DGKB: variants seen among roughly 807,000 people sequenced by gnomAD.
The protein encoded by DGKB is diacylglycerol kinase beta, also known as 90 kDa diacylglycerol kinase.
In DGKB, 67 loss-of-function variants were observed where a neutral mutation model predicts 114.3. That is an observed-to-expected ratio of 0.59 (90% CI 0.48 to 0.72). DGKB has a LOEUF of 0.72. DGKB is among the 30% of genes least tolerant of loss of function. The pLI, the probability that DGKB is intolerant of heterozygous loss-of-function variation, is 0.00. For missense variants in DGKB, 907 were observed against 975.2 expected, an observed-to-expected ratio of 0.93 and a Z score of 0.93; for synonymous variants, 398 against 323.1, an observed-to-expected ratio of 1.23 and a Z score of -2.49.
intron 13 of DGKB, among the ~76,000 whole-genome samples, chr7:14,648,283 T>C (rs112981409): frequency 0.027 from 4,165 of 152,106 alleles, 190 homozygotes; most frequent in African/African-American, 0.095. Context: ...TCTCCCAGCA[T>C]GCAGCTGGAG....
intron 1 of DGKB, among the ~76,000 whole-genome samples, chr7:14,898,940 G>C (rs1262219640): frequency 6.6e-6 from 1 of 152,110 alleles, no homozygotes; most frequent in African/African-American, 2.4e-5. Flanking sequence ...CCTGTTAAAA[G>C]GCAAATCCTT....
At chr7:14,353,234 G>A (rs1429028734) in intron 21 of DGKB, among the ~76,000 whole-genome samples, 3 of 152,042 alleles carry the variant, frequency 2.0e-5, no homozygotes, top group African/African-American at 7.2e-5. Flanking sequence ...GGCCAGAAAG[G>A]TCATCATTAG....
intron 1 of DGKB, among the ~76,000 whole-genome samples, chr7:14,873,192 T>C (rs1852742574): frequency 6.6e-6 from 1 of 152,130 alleles, no homozygotes; most frequent in African/African-American, 2.4e-5. Flanking sequence ...TTTGGGAAGT[T>C]CTTGTCTGGT....
chr7:14,712,256 C>T (rs952575449), intron 6 of DGKB, among the ~76,000 whole-genome samples: 11 of 152,056 alleles, frequency 7.2e-5, no homozygotes, highest in Non-Finnish European at 1.5e-4. Flanking sequence ...AATAGTAATT[C>T]AGAGTTCTGT....
chr7:14,409,802 G>A lies in DGKB; in HGVS notation c.1836-64411C>T, dbSNP rs553894921. Among the ~76,000 whole-genome samples the A allele has an allele frequency of 3.3e-5, 5 of 151,130 alleles. No individual in the cohort carries two copies. The South Asian group carries it at 6.3e-4, about 19-fold the overall frequency. ...TGCAGTTGTGTTTGTCCCCATTTCA[G>A]ACAAAAACGATTCATCTTATAAACA... On this transcript the variant is annotated intron_variant, in intron 21 of 25. Transcript: ENST00000402815.
intron 1 of DGKB, among the ~76,000 whole-genome samples, chr7:14,887,882 T>C (rs1392614697): frequency 1.3e-5 from 2 of 151,770 alleles, no homozygotes; most frequent in Non-Finnish European, 2.9e-5. Flanking sequence ...AAAATATATT[T>C]GTGAAATTAC....
chr7:14,714,442 G>A (rs1254230942), intron 6 of DGKB, among the ~76,000 whole-genome samples: 2 of 152,088 alleles, frequency 1.3e-5, no homozygotes, highest in East Asian at 3.9e-4. Context: ...CCAAGTTAAG[G>A]GTTTCAATTT....
At chr7:14,170,824 A>T (rs900312437) in intron 25 of DGKB, among the ~76,000 whole-genome samples, 9 of 152,220 alleles carry the variant, frequency 5.9e-5, no homozygotes, top group African/African-American at 2.2e-4. Context: ...AGATAACTGC[A>T]GTAGCTAGAG....
chr7:14,685,571 C>T lies in DGKB; in HGVS notation c.712-209G>A, dbSNP rs77435323. On this transcript the variant is annotated intron_variant, in intron 9 of 25. Coordinates refer to ENST00000402815, the MANE Select transcript of DGKB (RefSeq NM_001350709.2). Reference sequence around the variant, plus strand: ...TGCTAACAAATCACCGATGCTATAGCAACCCACAAATCCTTGTCTAATATT... The same window carrying T: ...TGCTAACAAATCACCGATGCTATAGTAACCCACAAATCCTTGTCTAATATT... Among the ~76,000 whole-genome samples, 1,172 of 152,276 alleles carry T rather than the reference C, an allele frequency of 7.7e-3. 20 individuals are homozygous for T. The highest frequency in any genetic ancestry group is 0.026 in the African/African-American group (1,092 of 41,544).
At chr7:14,336,489 C>T (rs1337090141) in intron 23 of DGKB, among the ~76,000 whole-genome samples, 3 of 152,112 alleles carry the variant, frequency 2.0e-5, no homozygotes, top group East Asian at 3.9e-4. Flanking sequence ...TGTTTTTTAA[C>T]TATTTCCCAT....
At chr7:14,415,249 CA>C (rs1825520193) in intron 21 of DGKB, among the ~76,000 whole-genome samples, 1 of 151,312 alleles carries the variant, frequency 6.6e-6, no homozygotes, top group Non-Finnish European at 1.5e-5. Context: ...AAATGACATT[CA>C]TATATATACA....
At chr7:14,721,296 A>T (rs751861424) in intron 5 of DGKB, among the ~76,000 whole-genome samples, 20 of 152,216 alleles carry the variant, frequency 1.3e-4, no homozygotes, top group Admixed American at 5.9e-4. Flanking sequence ...GAACACAAAC[A>T]ATTGAGAACG....
intron 23 of DGKB, among the ~76,000 whole-genome samples, chr7:14,296,578 A>G (rs1049552506): frequency 1.3e-5 from 2 of 152,084 alleles, no homozygotes; most frequent in African/African-American, 4.8e-5. Flanking sequence ...AGGAATTGCC[A>G]AACATGAGAA....
intron 20 of DGKB, among the ~76,000 whole-genome samples, chr7:14,567,797 C>T (rs1457392771): frequency 4.0e-5 from 6 of 150,776 alleles, no homozygotes; most frequent in Non-Finnish European, 5.9e-5. Flanking sequence ...AGTAGAGGTG[C>T]GGTTTTACCA....
At chr7:14,729,106 C>T (rs528785617) in intron 5 of DGKB, among the ~76,000 whole-genome samples, 155 of 148,066 alleles carry the variant, frequency 1.0e-3, no homozygotes, top group Non-Finnish European at 1.7e-3. Flanking sequence ...AGAATGGAAA[C>T]GGGTTTCATT....
At chr7:14,598,456 T>C (rs963062205) in intron 17 of DGKB, among the ~76,000 whole-genome samples, 1 of 152,188 alleles carries the variant, frequency 6.6e-6, no homozygotes, top group Non-Finnish European at 1.5e-5. Context: ...GGGCAGAGAA[T>C]TAACTATTAA....
At chr7:14,274,194 G>A (rs953640374) in intron 23 of DGKB, among the ~76,000 whole-genome samples, 1 of 152,160 alleles carries the variant, frequency 6.6e-6, no homozygotes, top group Non-Finnish European at 1.5e-5. Flanking sequence ...GAATGTGACA[G>A]CCCCATGATC....
intron 23 of DGKB, among the ~76,000 whole-genome samples, chr7:14,187,723 G>C (rs985616465): frequency 1.3e-5 from 2 of 152,022 alleles, no homozygotes; most frequent in Admixed American, 6.6e-5. Context: ...CCCTACAAAA[G>C]CTACTCCATA....
At chr7:14,779,697 C>G (rs148278846) in intron 2 of DGKB, among the ~76,000 whole-genome samples, 162 of 152,236 alleles carry the variant, frequency 1.1e-3, no homozygotes, top group African/African-American at 3.6e-3. Context: ...GTCACAATAT[C>G]TATTTATTTC....
Sources: allele counts gnomAD v4.1 joint callset (sites outside exome capture counted in the v4.1 genomes callset), GRCh38; gene constraint gnomAD v4.1.1; transcripts MANE v1.5; gene names NCBI Gene and HGNC (gene_info 2026-07-23, HGNC 2026-07-21).